The following MACROD1 variants were observed in gnomAD, a reference collection of about 807,000 sequenced individuals.
The protein encoded by MACROD1 is mono-ADP ribosylhydrolase 1.
A neutral mutation model predicts 41.4 loss-of-function variants in MACROD1; 31 were observed. The ratio of observed to expected loss-of-function variants is 0.75; its 90% CI spans 0.56 to 1.01. MACROD1 has a LOEUF of 1.01. Among genes scored for constraint, MACROD1 ranks in the 50% least tolerant of loss-of-function variants. The pLI is 0.00. For synonymous variants in MACROD1, 252 were observed against 203.4 expected, an observed-to-expected ratio of 1.24 and a Z score of -2.03; for missense variants, 473 against 460.0, an observed-to-expected ratio of 1.03 and a Z score of -0.26.
At chr11:64,116,342 C>T in intron 3 of MACROD1, 1 of 1,612,058 alleles carries the variant, frequency 6.2e-7, no homozygotes, top group Non-Finnish European at 8.5e-7. Context: ...TTGTGATGAC[C>T]ACGGCCACCA....
intron 3 of MACROD1, among the ~76,000 whole-genome samples, chr11:64,027,708 C>G (rs1040789160): frequency 5.3e-5 from 8 of 152,058 alleles, no homozygotes; most frequent in Non-Finnish European, 1.2e-4. Flanking sequence ...CCAGTGACCG[C>G]TTTGAACACT....
chr11:64,066,097 G>C (rs1944000475), intron 3 of MACROD1, among the ~76,000 whole-genome samples: 1 of 152,032 alleles, frequency 6.6e-6, no homozygotes, highest in Non-Finnish European at 1.5e-5. Flanking sequence ...AGGAGCTCAA[G>C]AGCAGCTTGG....
At chr11:64,115,673 C>G (rs1314514431) in intron 3 of MACROD1, among the ~76,000 whole-genome samples, 3 of 152,254 alleles carry the variant, frequency 2.0e-5, no homozygotes, top group Non-Finnish European at 4.4e-5. Context: ...CGACGCCCCC[C>G]TTTTGAGCTC....
intron 3 of MACROD1, among the ~76,000 whole-genome samples, chr11:64,020,908 G>C (rs1943143600): frequency 6.6e-6 from 1 of 151,992 alleles, no homozygotes; most frequent in South Asian, 2.1e-4. Context: ...TTAGAGACGG[G>C]GTTTCACCAT....
At chr11:64,150,159 C>T (rs1452231867) in intron 3 of MACROD1, among the ~76,000 whole-genome samples, 1 of 152,262 alleles carries the variant, frequency 6.6e-6, no homozygotes, top group Non-Finnish European at 1.5e-5. Context: ...ACAACTCAGA[C>T]CCCACGGACC....
At chr11:64,045,385 C>T (rs983504184) in intron 3 of MACROD1, among the ~76,000 whole-genome samples, 1 of 152,194 alleles carries the variant, frequency 6.6e-6, no homozygotes, top group African/African-American at 2.4e-5. Context: ...GGGACCTGGG[C>T]ATGTTGATAA....
At chr11:64,159,782 G>A (rs558182400) in intron 1 of MACROD1, among the ~76,000 whole-genome samples, 3 of 152,154 alleles carry the variant, frequency 2.0e-5, no homozygotes, top group South Asian at 2.1e-4. Context: ...CAACAAGAGC[G>A]AAACTCGGTC....
intron 3 of MACROD1, among the ~76,000 whole-genome samples, chr11:64,144,327 A>T (rs1404777252): frequency 1.3e-5 from 2 of 151,906 alleles, no homozygotes; most frequent in African/African-American, 2.4e-5. Flanking sequence ...TTCCATTCAC[A>T]TGTGTTACCC....
chr11:64,059,130 G>T (rs558428134), intron 3 of MACROD1, among the ~76,000 whole-genome samples: 1 of 152,284 alleles, frequency 6.6e-6, no homozygotes, highest in East Asian at 1.9e-4. Context: ...AACAGCCCCT[G>T]GTCCTTCTCT....
chr11:64,164,810 C>A (rs1008488381), intron 1 of MACROD1, among the ~76,000 whole-genome samples: 2 of 149,724 alleles, frequency 1.3e-5, no homozygotes, highest in Non-Finnish European at 3.0e-5. Context: ...GGGATCCAGC[C>A]GGGAAGAGTC....
chr11:64,053,294 G>C (rs912282925), intron 3 of MACROD1, among the ~76,000 whole-genome samples: 1 of 152,344 alleles, frequency 6.6e-6, no homozygotes, highest in Admixed American at 6.5e-5. Flanking sequence ...TCCTGGCTTT[G>C]AGGTTACCCT....
At chr11:64,011,817 G>A (rs1218243866) in intron 4 of MACROD1, among the ~76,000 whole-genome samples, 1 of 151,996 alleles carries the variant, frequency 6.6e-6, no homozygotes, top group Non-Finnish European at 1.5e-5. Flanking sequence ...GGGACCCCAC[G>A]GGAAGATGGG....
chr11:64,116,849 G>A (rs1328807068), intron 3 of MACROD1: 18 of 1,612,648 alleles, frequency 1.1e-5, no homozygotes, highest in Middle Eastern at 3.3e-4. Flanking sequence ...GCATCCCCTC[G>A]GGGCTGCCGC....
At chr11:64,027,416 G>A (rs1253556994) in intron 3 of MACROD1, among the ~76,000 whole-genome samples, 1 of 152,290 alleles carries the variant, frequency 6.6e-6, no homozygotes, top group South Asian at 2.1e-4. Context: ...TTGAGGGAGG[G>A]CTGGGAGAGG....
chr11:64,165,446 C>T (rs1386037093), intron 1 of MACROD1, among the ~76,000 whole-genome samples: 1 of 152,224 alleles, frequency 6.6e-6, no homozygotes, highest in African/African-American at 2.4e-5. Flanking sequence ...AGGAAGGCCG[C>T]CTTCCTCACG....
At chr11:64,022,855 G>C (rs975591390) in intron 3 of MACROD1, among the ~76,000 whole-genome samples, 1 of 148,444 alleles carries the variant, frequency 6.7e-6, no homozygotes, top group Non-Finnish European at 1.5e-5. Context: ...TCCCCAGCAA[G>C]CTTCCACATG....
intron 3 of MACROD1, among the ~76,000 whole-genome samples, chr11:64,145,332 C>T (rs1565258446): frequency 6.6e-6 from 1 of 152,162 alleles, no homozygotes; most frequent in Non-Finnish European, 1.5e-5. Flanking sequence ...TTAATTGGTC[C>T]CTGCGGCGTT....
At chr11:64,086,388 G>A (rs943187314) in intron 3 of MACROD1, among the ~76,000 whole-genome samples, 1 of 151,934 alleles carries the variant, frequency 6.6e-6, no homozygotes, top group Non-Finnish European at 1.5e-5. Flanking sequence ...GACTACCCCC[G>A]AGCTCAGAGG....
At chr11:64,000,000 T>A (rs955677533) in intron 5 of MACROD1, 27 of 642,272 alleles carry the variant, frequency 4.2e-5, no homozygotes, top group Admixed American at 1.8e-4. Flanking sequence ...AGCGCGAGTG[T>A]GGGCGCGAAG....
Sources: allele counts gnomAD v4.1 joint callset (sites outside exome capture counted in the v4.1 genomes callset), GRCh38; gene constraint gnomAD v4.1.1; transcripts MANE v1.5; gene names NCBI Gene and HGNC (gene_info 2026-07-23, HGNC 2026-07-21).